ITGA11: variants seen among roughly 807,000 people sequenced by gnomAD.
ITGA11 encodes integrin subunit alpha 11, also known as integrin alpha-11.
ITGA11 carries 97 observed loss-of-function variants against 141.9 expected under a neutral mutation model. The observed-to-expected ratio is 0.68, with a 90% CI of 0.58 to 0.81. The LOEUF (loss-of-function observed/expected upper bound fraction) is 0.81, where lower values mean the gene tolerates loss of function less well. Ranked by LOEUF, ITGA11 falls within the 30% of genes least tolerant of loss-of-function variation. ITGA11 has a pLI of 0.00. For missense variants in ITGA11, 1,387 were observed against 1,559.2 expected (o/e 0.89, Z 1.86); for synonymous variants, 658 against 624.6 (o/e 1.05, Z -0.80).
intron 1 of ITGA11, among the ~76,000 whole-genome samples, chr15:68,412,727 G>C (rs1896804270): frequency 7.6e-6 from 1 of 131,808 alleles, no homozygotes; most frequent in African/African-American, 2.8e-5. Context: ...CCAGACTGGA[G>C]TACAATGGTG....
intron 10 of ITGA11, among the ~76,000 whole-genome samples, chr15:68,347,047 T>C (rs17266192): frequency 0.18 from 26,670 of 152,190 alleles, 2,609 homozygotes; most frequent in Non-Finnish European, 0.22. Flanking sequence ...CATTTCCGGG[T>C]CCTTTCAGCA....
At chr15:68,358,077 C>G (rs1172852438) in intron 6 of ITGA11, among the ~76,000 whole-genome samples, 3 of 152,200 alleles carry the variant, frequency 2.0e-5, no homozygotes, top group Non-Finnish European at 4.4e-5. Flanking sequence ...ATATATGAGC[C>G]TAGCAGCCCT....
At chr15:68,319,936 A>T (rs555886876) in intron 20 of ITGA11, among the ~76,000 whole-genome samples, 1 of 148,610 alleles carries the variant, frequency 6.7e-6, no homozygotes, top group Non-Finnish European at 1.5e-5. Flanking sequence ...CTCTCCTGTG[A>T]TTTTTTTTTT....
intron 2 of ITGA11, among the ~76,000 whole-genome samples, chr15:68,369,658 C>A (rs1428735551): frequency 6.6e-6 from 1 of 152,202 alleles, no homozygotes; most frequent in African/African-American, 2.4e-5. Context: ...TAATGGAAGT[C>A]ATTCTGACAA....
chr15:68,412,969 A>G (rs1896810235), intron 1 of ITGA11, among the ~76,000 whole-genome samples: 1 of 152,090 alleles, frequency 6.6e-6, no homozygotes, highest in Non-Finnish European at 1.5e-5. Context: ...AGCCACTGGC[A>G]CCCAGCCAGG....
intron 1 of ITGA11, among the ~76,000 whole-genome samples, chr15:68,419,529 AC>A (rs1896968153): frequency 6.6e-6 from 1 of 152,162 alleles, no homozygotes; most frequent in Non-Finnish European, 1.5e-5. Flanking sequence ...GGAAGGGCCA[AC>A]CCCGTACTGA....
At position 68,326,058 on chromosome 15, in the gene ITGA11, C is replaced by A. The variant is rs1012839738; in HGVS notation, c.2211+596G>T. On this transcript the variant is annotated intron_variant, in intron 17 of 29. Coordinates refer to ENST00000315757, the MANE Select transcript of ITGA11 (RefSeq NM_001004439.2). The surrounding 1 kb of genome is among the most constrained non-coding windows in gnomAD (Gnocchi z 6.8). ...CTTAACAGGGATGCACCTTCTCAGA[C>A]CTGCTCACATCTCTGAACTCTGGCC... Among the ~76,000 whole-genome samples, 1 of 152,224 alleles carries A rather than the reference C, an allele frequency of 6.6e-6. No homozygotes were observed. Among genetic ancestry groups the A allele is most frequent in the Non-Finnish European group, 1.5e-5 (1 of 68,042 alleles).
intron 2 of ITGA11, among the ~76,000 whole-genome samples, chr15:68,381,087 A>G (rs1895850948): frequency 6.6e-6 from 1 of 152,174 alleles, no homozygotes; most frequent in South Asian, 2.1e-4. Context: ...CTATGGATCC[A>G]TGGGAACTCA....
Position 68,297,721 on chromosome 15 carries a change from T to G in ITGA11, c.*5338A>C. 1 of 152,214 alleles carries G rather than the reference T, an allele frequency of 6.6e-6. No homozygotes were observed. Among genetic ancestry groups the G allele is most frequent in the South Asian group, 2.1e-4 (1 of 4,828 alleles). The allele number at this position is 152,214 out of a possible 1,614,324, so 9.4% of individuals were successfully genotyped here. On this transcript the variant is annotated 3_prime_UTR_variant, in exon 30 of 30. Transcript: ENST00000315757. ...GTAACAATAATATGGCATTCTCATT[T>G]CCAGCCTTCACATCTCAGGAGAGTA...
chr15:68,398,436 C>T (rs1005467963), intron 2 of ITGA11, among the ~76,000 whole-genome samples: 1 of 150,518 alleles, frequency 6.6e-6, no homozygotes, highest in Non-Finnish European at 1.5e-5. Context: ...GGGATCAATT[C>T]AACAATAAGA....
At position 68,305,098 on chromosome 15, in the gene ITGA11, C is replaced by G. The variant is rs558886962; in HGVS notation, c.3382-1213G>C. Among the ~76,000 whole-genome samples the G allele has an allele frequency of 5.9e-5, 9 of 152,386 alleles. No homozygotes were observed. Among genetic ancestry groups the G allele is most frequent in the Admixed American group, 5.9e-4 (9 of 15,310 alleles). ...CAAGGCCCTCCCCTCTCGGGTCCCA[C>G]CTGTCTTGCTGACCTCACCTCCTGC... is the stretch of plus-strand genomic sequence containing the variant. On this transcript the variant is annotated intron_variant, in intron 28 of 29. Transcript: ENST00000315757. The surrounding 1 kb of genome is among the most constrained non-coding windows in gnomAD (Gnocchi z 4.6).
At chr15:68,373,957 C>T (rs1344970100) in intron 2 of ITGA11, among the ~76,000 whole-genome samples, 1 of 152,184 alleles carries the variant, frequency 6.6e-6, no homozygotes, top group African/African-American at 2.4e-5. Context: ...GGCTCAATGA[C>T]TACCTTTTAC....
At chr15:68,361,825 G>T in intron 4 of ITGA11, 121 bp from the exon 5 acceptor site, 1 of 656,204 alleles carries the variant, frequency 1.5e-6, no homozygotes, top group Non-Finnish European at 2.7e-6. Flanking sequence ...TGAGGGGTGA[G>T]GGGGTGAGGG....
At chr15:68,354,001 A>T (rs1429867454) in intron 7 of ITGA11, among the ~76,000 whole-genome samples, 1 of 151,946 alleles carries the variant, frequency 6.6e-6, no homozygotes, top group African/African-American at 2.4e-5. Context: ...CTGCTTGCCA[A>T]CAACTCCCTC....
Position 68,311,052 on chromosome 15 carries a change from T to C in ITGA11, c.3116A>G (p.Asn1039Ser), listed in dbSNP as rs1362786274. 3.1e-6 allele frequency: 5 copies of C among 1,608,080 alleles called. No homozygotes were observed. The highest frequency in any genetic ancestry group is 1.3e-5 in the African/African-American group (1 of 74,780). Residue 1039 changes from asparagine (N) to serine (S), a missense_variant, in exon 26 of 30, where the codon AAT becomes AGT. Physicochemically the swap from Asn to Ser is conservative, Grantham distance 46. Coordinates refer to ENST00000315757, the MANE Select transcript of ITGA11 (RefSeq NM_001004439.2). ...EANTSCNIWG[N>S]STEYRPTPVE... The stretch of plus-strand genomic sequence containing the variant: ...TGGGGTGGGCCGGTACTCAGTGCTA[T>C]TGCCCCAGATGTTACAGGACGTGTT...
chr15:68,314,318 G>A (rs1125721), intron 22 of ITGA11, among the ~76,000 whole-genome samples: 58,755 of 152,010 alleles, frequency 0.39, 11,500 homozygotes, highest in South Asian at 0.5. Context: ...TGGACTGACC[G>A]GGGGCAGCTC....
chr15:68,332,162 CAT>C, intron 13 of ITGA11, 100 bp from the exon 14 acceptor site: 1 of 1,258,316 alleles, frequency 7.9e-7, no homozygotes, highest in Admixed American at 2.0e-5. Context: ...CTCACCACTC[CAT>C]TCCCCAGAAC....
chr15:68,311,698 T>A (rs902720380), intron 24 of ITGA11, among the ~76,000 whole-genome samples: 1 of 152,248 alleles, frequency 6.6e-6, no homozygotes, highest in East Asian at 1.9e-4. Flanking sequence ...CATTTTCAAC[T>A]CTTCTTGCCT....
chr15:68,311,166 C>T (rs1472918380), intron 25 of ITGA11, 86 bp from the exon 26 acceptor site: 98 of 1,311,980 alleles, frequency 7.5e-5, no homozygotes, highest in Non-Finnish European at 1.0e-4. Flanking sequence ...GGTTTCTTTT[C>T]TCCTCCTCTA....
Sources: gnomAD v4.1 joint callset for allele counts (sites outside exome capture counted in the v4.1 genomes callset) on GRCh38, gnomAD v4.1.1 for gene constraint, Gnocchi (gnomAD v3.1) non-coding constraint, MANE v1.5 for transcripts, NCBI Gene and HGNC (gene_info 2026-07-23, HGNC 2026-07-21) for gene names.